DNAI4: variants seen among roughly 807,000 people sequenced by gnomAD.
DNAI4 encodes the protein WD repeat domain 78.
In DNAI4, 85 loss-of-function variants were observed where a neutral mutation model predicts 105.8. The ratio of observed to expected loss-of-function variants is 0.80; its 90% confidence interval spans 0.67 to 0.96. The LOEUF is 0.96. Among genes scored for constraint, DNAI4 ranks in the 40% least tolerant of loss-of-function variants. DNAI4 has a pLI of 0.00. For synonymous variants in DNAI4, 352 were observed against 331.5 expected (o/e 1.06, Z -0.67); for missense variants, 1,014 against 1,005.6 (o/e 1.01, Z -0.11).
chr1:66,845,923 A>G (rs987593436), intron 8 of DNAI4, among the ~76,000 whole-genome samples: 1 of 152,056 alleles, frequency 6.6e-6, no homozygotes. Context: ...TAGGGTTAAT[A>G]GATATGTCCT....
chr1:66,884,043 G>A (rs1184646776), intron 4 of DNAI4, among the ~76,000 whole-genome samples: 4 of 152,070 alleles, frequency 2.6e-5, no homozygotes, highest in African/African-American at 9.7e-5. Context: ...GAGATCAATT[G>A]TCTTAGATTC....
At chr1:66,836,151 A>AGAAG (rs1421357256) in intron 10 of DNAI4, among the ~76,000 whole-genome samples, 1 of 36,152 alleles carries the variant, frequency 2.8e-5, no homozygotes, top group African/African-American at 9.0e-5. Flanking sequence ...AAAGAAAGAA[A>AGAAG]GAAAGAAAGA....
At chr1:66,911,902 C>G (rs1284269320) in intron 1 of DNAI4, among the ~76,000 whole-genome samples, 1 of 152,118 alleles carries the variant, frequency 6.6e-6, no homozygotes, top group Non-Finnish European at 1.5e-5. Context: ...AGTGCAGTGG[C>G]TCAATCTTGG....
chr1:66,836,256 GAA>G (rs1257359727), intron 10 of DNAI4, among the ~76,000 whole-genome samples: 2,806 of 14,074 alleles, frequency 0.2, 95 homozygotes, highest in Middle Eastern at 0.3. Context: ...GAGAGAGAGA[GAA>G]AGAAAGAAAG....
At chr1:66,903,562 T>C (rs1649001575) in intron 2 of DNAI4, among the ~76,000 whole-genome samples, 2 of 152,174 alleles carry the variant, frequency 1.3e-5, no homozygotes, top group South Asian at 2.1e-4. Flanking sequence ...GCGCTCTCTC[T>C]GCTCACTGCA....
chr1:66,921,934 T>C (rs1569914851), intron 1 of DNAI4, among the ~76,000 whole-genome samples: 1 of 150,082 alleles, frequency 6.7e-6, no homozygotes, highest in East Asian at 2.0e-4. Context: ...TCTCACTCTG[T>C]CGACCAGGCT....
intron 13 of DNAI4, among the ~76,000 whole-genome samples, chr1:66,832,089 A>G (rs570431599): frequency 2.0e-5 from 3 of 152,264 alleles, no homozygotes; most frequent in African/African-American, 7.2e-5. Context: ...AACAGCCACA[A>G]ATATCTCCAA....
chr1:66,847,412 C>A, intron 8 of DNAI4, 72 bp downstream of exon 8: 1 of 1,424,350 alleles, frequency 7.0e-7, no homozygotes, highest in Non-Finnish European at 9.6e-7. Flanking sequence ...TCTTCCTCAG[C>A]CTCCCAAAGT....
At chr1:66,872,449 G>T (rs996669431) in intron 5 of DNAI4, among the ~76,000 whole-genome samples, 1 of 151,848 alleles carries the variant, frequency 6.6e-6, no homozygotes, top group African/African-American at 2.4e-5. Flanking sequence ...GGCTGCTCAT[G>T]AACTCCTGAC....
chr1:66,840,488 G>A lies in DNAI4; in HGVS notation c.1475C>T (p.Ala492Val), dbSNP rs190152854. 3 of 1,614,036 alleles carry A rather than the reference G, an allele frequency of 1.9e-6. No homozygotes were observed. The highest frequency in any genetic ancestry group is 2.7e-5 in the African/African-American group (2 of 75,038). The part of the protein sequence containing the change: ...LTKGLNVSSL[A>V]WNKTNPDLLA... ...ACTTACTGGATTTGTTTTATTCCAGGCAAGGCTGCTCACATTGAGGCCTTT... is the reference window on the plus strand; with the variant it reads ...ACTTACTGGATTTGTTTTATTCCAGACAAGGCTGCTCACATTGAGGCCTTT... Residue 492 changes from alanine (A) to valine (V), a missense_variant, in exon 9 of 17, where the codon GCC becomes GTC. Physicochemically the swap from Ala to Val is moderately conservative, Grantham distance 64. Coordinates refer to ENST00000371026, the MANE Select transcript of DNAI4 (RefSeq NM_024763.5).
Position 66,834,085 on chromosome 1 carries a change from T to C in DNAI4, c.1797A>G (p.Gly599=). 6.2e-7 allele frequency: 1 copy of C among 1,612,840 alleles called. No homozygotes were observed. Among genetic ancestry groups the C allele is most frequent in the Non-Finnish European group, 8.5e-7 (1 of 1,179,468 alleles). ...WQLQWIEQDR[G]TTGDGKREIL... The stretch of plus-strand genomic sequence containing the variant: ...TTTCTCTTTTGCCATCTCCTGTTGT[T>C]CCTCGATCTTGTTCTATCCACTGTA... The change falls in exon 12 of 17, where the codon GGA becomes GGG. Residue 599 remains glycine (G), a synonymous_variant. Coordinates refer to ENST00000371026, the MANE Select transcript of DNAI4 (RefSeq NM_024763.5).
intron 4 of DNAI4, among the ~76,000 whole-genome samples, chr1:66,887,922 G>C (rs989554590): frequency 1.3e-5 from 2 of 151,994 alleles, no homozygotes; most frequent in African/African-American, 4.8e-5. Flanking sequence ...TCGCACCACT[G>C]CACTCCAGCC....
rs1572569974 is a variant in DNAI4 at position 66,813,545 on chromosome 1, G to A, written c.*585C>T. ...TCACTGAATTGGGAATGTGATAAGC[G>A]CTGGTCAAACCATAAAATTCTGATA... On this transcript the variant is annotated 3_prime_UTR_variant, in exon 17 of 17. Coordinates refer to ENST00000371026, the MANE Select transcript of DNAI4 (RefSeq NM_024763.5). 1 of 152,258 alleles carries A rather than the reference G, an allele frequency of 6.6e-6. No individual in the cohort carries two copies. The highest frequency in any genetic ancestry group is 1.9e-4 in the East Asian group (1 of 5,338). The allele number at this position is 152,258 out of a possible 1,614,324, so 9.4% of individuals were successfully genotyped here.
intron 10 of DNAI4, among the ~76,000 whole-genome samples, chr1:66,837,368 A>AAAC (rs1646047871): frequency 6.6e-6 from 1 of 151,272 alleles, no homozygotes; most frequent in Admixed American, 6.6e-5. Flanking sequence ...CTGTCTCAAA[A>AAAC]AAAAAAAAAA....
At chr1:66,893,009 GAGAGGAA>G (rs1286893519) in intron 3 of DNAI4, among the ~76,000 whole-genome samples, 1 of 103,228 alleles carries the variant, frequency 9.7e-6, no homozygotes, top group African/African-American at 4.1e-5. Context: ...GAGAAAGAGA[GAGAGGAA>G]AGAAAGAAAG....
chr1:66,840,904 G>A (rs938542539), intron 8 of DNAI4, among the ~76,000 whole-genome samples: 5 of 152,158 alleles, frequency 3.3e-5, no homozygotes, highest in African/African-American at 9.7e-5. Flanking sequence ...TCAGTAAATG[G>A]GCCAGTGTAG....
At chr1:66,909,162 T>C (rs1280638221) in intron 1 of DNAI4, among the ~76,000 whole-genome samples, 3 of 152,156 alleles carry the variant, frequency 2.0e-5, no homozygotes, top group African/African-American at 7.2e-5. Flanking sequence ...ATTTCTCCCA[T>C]CTTAAACAAA....
chr1:66,849,472 C>T (rs1455519524), intron 7 of DNAI4, among the ~76,000 whole-genome samples: 1 of 152,190 alleles, frequency 6.6e-6, no homozygotes, highest in African/African-American at 2.4e-5. Context: ...AAGATCCAGA[C>T]TCTTACAATA....
At chr1:66,889,019 A>C (rs1647372110) in intron 4 of DNAI4, among the ~76,000 whole-genome samples, 1 of 152,146 alleles carries the variant, frequency 6.6e-6, no homozygotes, top group Non-Finnish European at 1.5e-5. Context: ...AAGCTGGGGG[A>C]GGTTATGACA....
Sources: allele counts gnomAD v4.1 joint callset (sites outside exome capture counted in the v4.1 genomes callset), GRCh38; gene constraint gnomAD v4.1.1; transcripts MANE v1.5; gene names NCBI Gene and HGNC (gene_info 2026-07-23, HGNC 2026-07-21).